The following TRERF1 variants were observed in gnomAD, a reference collection of about 807,000 sequenced individuals.
TRERF1 encodes the protein transcriptional regulating factor 1.
Under a neutral mutation model 122.9 loss-of-function variants are expected in TRERF1, and 27 were observed. The observed-to-expected ratio is 0.22, with a 90% confidence interval of 0.16 to 0.30. The LOEUF is 0.30. TRERF1 is among the 10% of genes least tolerant of loss of function. The pLI is 1.00. For missense variants in TRERF1, 1,248 were observed against 1,560.3 expected (o/e 0.80, Z 3.37); for synonymous variants, 636 against 641.7 (o/e 0.99, Z 0.13).
chr6:42,408,790 T>C (rs1302519815), intron 2 of TRERF1, among the ~76,000 whole-genome samples: 2 of 152,158 alleles, frequency 1.3e-5, no homozygotes, highest in Admixed American at 1.3e-4. Context: ...ACATTTGCTC[T>C]CGAGGAAAAA....
intron 2 of TRERF1, among the ~76,000 whole-genome samples, chr6:42,369,166 G>C (rs1404114317): frequency 6.6e-6 from 1 of 152,144 alleles, no homozygotes; most frequent in African/African-American, 2.4e-5. Context: ...AAAAACTGAG[G>C]AGGCCAGGCA....
chr6:42,386,828 C>A (rs7742676), intron 2 of TRERF1, among the ~76,000 whole-genome samples: 2 of 152,048 alleles, frequency 1.3e-5, no homozygotes, highest in African/African-American at 4.8e-5. Flanking sequence ...GGATGAGATG[C>A]GCAGCAACTA....
At chr6:42,370,698 G>A (rs997847286) in intron 2 of TRERF1, among the ~76,000 whole-genome samples, 1 of 152,192 alleles carries the variant, frequency 6.6e-6, no homozygotes, top group Non-Finnish European at 1.5e-5. Flanking sequence ...TCTGTGCGTG[G>A]CCTGGGTCCT....
chr6:42,386,278 T>C (rs1776800693), intron 2 of TRERF1, among the ~76,000 whole-genome samples: 1 of 152,298 alleles, frequency 6.6e-6, no homozygotes, highest in Non-Finnish European at 1.5e-5. Context: ...ACAGTGACTG[T>C]ATTTTTAGTA....
intron 4 of TRERF1, among the ~76,000 whole-genome samples, chr6:42,298,682 G>A (rs1386019753): frequency 6.6e-6 from 1 of 151,704 alleles, no homozygotes; most frequent in Non-Finnish European, 1.5e-5. Context: ...GCTCATGCCT[G>A]TAATCCCAGC....
chr6:42,413,723 A>G (rs1781447297), intron 2 of TRERF1, among the ~76,000 whole-genome samples: 1 of 152,148 alleles, frequency 6.6e-6, no homozygotes, highest in Admixed American at 6.6e-5. Context: ...CCACCGCGGC[A>G]GCCCAGAATC....
intron 2 of TRERF1, among the ~76,000 whole-genome samples, chr6:42,377,155 T>A (rs1325807197): frequency 6.6e-6 from 1 of 152,238 alleles, no homozygotes; most frequent in Non-Finnish European, 1.5e-5. Flanking sequence ...CGTGAGCCAC[T>A]GTGCCAGGCC....
rs568592807 is a variant in TRERF1 at position 42,420,679 on chromosome 6, T to C, written c.-454+30498A>G. Among the ~76,000 whole-genome samples the C allele has an allele frequency of 1.1e-4, 16 of 152,258 alleles. No homozygotes were observed. The East Asian group carries it at 3.1e-3, about 29-fold the overall frequency. ...TCAGGAAACTTATTAAAAGAAAATC[T>C]CACCTATAAACAAACCTAAATATGT... is the stretch of plus-strand genomic sequence containing the variant. On this transcript the variant is annotated intron_variant, in intron 2 of 17. Transcript: ENST00000372922.
intron 2 of TRERF1, among the ~76,000 whole-genome samples, chr6:42,437,294 C>T (rs938654020): frequency 2.4e-4 from 37 of 152,158 alleles, no homozygotes; most frequent in African/African-American, 8.7e-4. Flanking sequence ...GCCCCAAACA[C>T]TTCTGGAAGC....
At chr6:42,264,915 T>TTGCC in intron 6 of TRERF1, 61 bp from the exon 7 acceptor site, 1 of 1,581,750 alleles carries the variant, frequency 6.3e-7, no homozygotes, top group East Asian at 2.2e-5. Context: ...AAACAGTGAC[T>TTGCC]TGCCACAAGA....
chr6:42,269,239 C>T lies in TRERF1; in HGVS notation c.352G>A (p.Asp118Asn). The T allele has an allele frequency of 6.2e-7, 1 of 1,614,224 alleles. No homozygotes were observed. Among genetic ancestry groups the T allele is most frequent in the Non-Finnish European group, 8.5e-7 (1 of 1,180,034 alleles). ...TGGGAGTAGGTGTATTGGTAGCCAT[C>T]AGTGGGCTCAGCCTGGGCTGGTGCC... The change falls in exon 5 of 18, where the codon GAT (aspartate) becomes AAT (asparagine). Residue 118 changes from aspartate (D) to asparagine (N), a missense_variant. Asp to Asn is a conservative substitution (Grantham distance 23). This residue lies in a region of TRERF1 where 946 missense variants were observed against 1,073.0 expected (regional missense o/e 0.88). Transcript: ENST00000372922. The surrounding 1 kb of genome is among the most constrained non-coding windows in gnomAD (Gnocchi z 4.9).
At chr6:42,293,875 C>T (rs989251343) in intron 4 of TRERF1, among the ~76,000 whole-genome samples, 1 of 152,096 alleles carries the variant, frequency 6.6e-6, no homozygotes, top group African/African-American at 2.4e-5. Flanking sequence ...CTCAGACTCA[C>T]CTTCTGCAGA....
chr6:42,353,645 GAGCTGGTTAA>G (rs1769921354), intron 3 of TRERF1, among the ~76,000 whole-genome samples: 1 of 152,078 alleles, frequency 6.6e-6, no homozygotes, highest in Non-Finnish European at 1.5e-5. Flanking sequence ...TATCTGTAAG[GAGCTGGTTAA>G]ATACATTATG....
At chr6:42,262,526 A>G (rs1463050777) in intron 8 of TRERF1, among the ~76,000 whole-genome samples, 1 of 49,798 alleles carries the variant, frequency 2.0e-5, no homozygotes, top group Non-Finnish European at 4.5e-5. Flanking sequence ...AGAGAGAGAG[A>G]GAGAGAGAGA....
At chr6:42,389,569 G>A (rs1040997916) in intron 2 of TRERF1, among the ~76,000 whole-genome samples, 1 of 152,166 alleles carries the variant, frequency 6.6e-6, no homozygotes, top group African/African-American at 2.4e-5. Flanking sequence ...CAAAGAATGT[G>A]CCCAGTAAGC....
At chr6:42,417,799 AC>A (rs762342919) in intron 2 of TRERF1, among the ~76,000 whole-genome samples, 1 of 151,868 alleles carries the variant, frequency 6.6e-6, no homozygotes, top group African/African-American at 2.4e-5. Flanking sequence ...TTTTGGTCAC[AC>A]CCCCCCAACA....
intron 3 of TRERF1, among the ~76,000 whole-genome samples, chr6:42,339,515 C>T (rs1390664723): frequency 1.3e-5 from 2 of 152,184 alleles, no homozygotes; most frequent in Admixed American, 6.5e-5. Flanking sequence ...TCAATAGCTA[C>T]GAATTGTACC....
At chr6:42,416,844 T>C (rs1562169371) in intron 2 of TRERF1, among the ~76,000 whole-genome samples, 1 of 152,362 alleles carries the variant, frequency 6.6e-6, no homozygotes, top group East Asian at 1.9e-4. Context: ...CCATTTCTTC[T>C]ATGGTAATTG....
At chr6:42,261,500 T>C (rs1329684079) in intron 8 of TRERF1, among the ~76,000 whole-genome samples, 2 of 151,426 alleles carry the variant, frequency 1.3e-5, no homozygotes, top group African/African-American at 4.9e-5. Context: ...ACTTTGGGGG[T>C]GAGGCCAAGC....
Sources: gnomAD v4.1 joint callset for allele counts (sites outside exome capture counted in the v4.1 genomes callset) on GRCh38, gnomAD v4.1.1 for gene constraint, gnomAD v4.1.1 regional missense constraint, Gnocchi (gnomAD v3.1) non-coding constraint, MANE v1.5 for transcripts, NCBI Gene and HGNC (gene_info 2026-07-23, HGNC 2026-07-21) for gene names.